LOXHD1: variants seen among roughly 807,000 people sequenced by gnomAD.
The protein encoded by LOXHD1 is lipoxygenase homology domain-containing protein 1.
LOXHD1 carries 205 observed loss-of-function variants against 248.2 expected under a neutral mutation model. The ratio of observed to expected loss-of-function variants is 0.83; its 90% CI spans 0.74 to 0.93. The LOEUF (loss-of-function observed/expected upper bound fraction) is 0.93, where lower values mean the gene tolerates loss of function less well. Among genes scored for constraint, LOXHD1 ranks in the 40% least tolerant of loss-of-function variants. The probability of loss-of-function intolerance (pLI) is 0.00; values close to 1 mark genes in which losing one functional copy is unlikely to be tolerated. For missense variants in LOXHD1, 2,930 were observed against 2,971.6 expected (o/e 0.99, Z 0.33); for synonymous variants, 1,113 against 1,162.8 (o/e 0.96, Z 0.87).
intron 6 of LOXHD1, among the ~76,000 whole-genome samples, chr18:46,609,385 A>T (rs777296869): frequency 6.6e-6 from 1 of 152,248 alleles, no homozygotes; most frequent in Non-Finnish European, 1.5e-5. Flanking sequence ...TGATCCTTGC[A>T]GCCAAATATT....
In LOXHD1 at chr18:46,538,344, G is replaced by A. The variant is rs2144324100; in HGVS notation, c.3914-7C>T. ...GTGATCTCGTAAGGAACAACTGAGG[G>A]TGGTGGTCAGAGGGCAAAGCCAGAG... On this transcript the variant is annotated splice_polypyrimidine_tract_variant and splice_region_variant and intron_variant, in intron 25 of 40. Transcript: ENST00000642948. 1 of 1,543,012 alleles carries A rather than the reference G, an allele frequency of 6.5e-7. No individual in the cohort carries two copies. The highest frequency in any genetic ancestry group is 8.8e-7 in the Non-Finnish European group (1 of 1,139,570).
At chr18:46,645,327 G>C (rs923782043) in intron 2 of LOXHD1, among the ~76,000 whole-genome samples, 1 of 152,136 alleles carries the variant, frequency 6.6e-6, no homozygotes, top group Non-Finnish European at 1.5e-5. Flanking sequence ...CTAAGGCAGT[G>C]CACAGCCCCT....
chr18:46,536,295 C>T (rs185058287), intron 26 of LOXHD1, among the ~76,000 whole-genome samples: 11 of 152,122 alleles, frequency 7.2e-5, no homozygotes, highest in Admixed American at 3.3e-4. Context: ...AGAGAGGAAG[C>T]GGCTTCCTCC....
intron 34 of LOXHD1, among the ~76,000 whole-genome samples, chr18:46,517,350 G>T (rs1033939295): frequency 6.6e-6 from 1 of 152,162 alleles, no homozygotes; most frequent in Non-Finnish European, 1.5e-5. Context: ...TCTGGGTATA[G>T]TTTGCAGTGC....
intron 36 of LOXHD1, among the ~76,000 whole-genome samples, chr18:46,507,199 T>G (rs553888186): frequency 1.3e-5 from 2 of 152,350 alleles, no homozygotes; most frequent in Admixed American, 1.3e-4. Context: ...GGTCCGAGCA[T>G]GCCTGAGGTG....
At chr18:46,583,217 G>C (rs996778513) in intron 12 of LOXHD1, among the ~76,000 whole-genome samples, 5 of 152,130 alleles carry the variant, frequency 3.3e-5, no homozygotes, top group African/African-American at 1.2e-4. Flanking sequence ...TGATTAAACT[G>C]CTAGAAGAAA....
Position 46,524,438 on chromosome 18 carries a change from C to G in LOXHD1, c.4876+28G>C, listed in dbSNP as rs1312316291. 4 of 1,541,628 alleles carry G rather than the reference C, an allele frequency of 2.6e-6. No homozygotes were observed. The African/African-American group carries it at 5.5e-5, about 21-fold the overall frequency. ...AAAACATTTCCATGTGCCTGGCCCC[C>G]GTCCAAAGAGCTCCCTGGTTGGCTT... On this transcript the variant is annotated intron_variant, in intron 31 of 40. Coordinates refer to ENST00000642948, the MANE Select transcript of LOXHD1 (RefSeq NM_001384474.1).
At chr18:46,541,964 C>T in intron 24 of LOXHD1, 24 bp from the exon 25 acceptor site, 1 of 1,543,776 alleles carries the variant, frequency 6.5e-7, no homozygotes, top group Non-Finnish European at 8.8e-7. Flanking sequence ...AGACACAAAA[C>T]CCATCAAGGA....
chr18:46,534,817 C>A (rs1329956749), intron 26 of LOXHD1, among the ~76,000 whole-genome samples: 1 of 152,200 alleles, frequency 6.6e-6, no homozygotes, highest in Non-Finnish European at 1.5e-5. Flanking sequence ...CTGTGCCATG[C>A]TCCTGTCTTG....
At chr18:46,586,004 A>T (rs2096992) in intron 12 of LOXHD1, among the ~76,000 whole-genome samples, 42,612 of 152,070 alleles carry the variant, frequency 0.28, 6,366 homozygotes, top group East Asian at 0.35. Context: ...AAGTAGAAAC[A>T]ACATAAATGC....
At chr18:46,478,100 C>T (rs558006310) in intron 40 of LOXHD1, 148 bp from the exon 41 acceptor site, 49 of 1,078,602 alleles carry the variant, frequency 4.5e-5, no homozygotes, top group Middle Eastern at 3.1e-4. Context: ...TTTAAATGTG[C>T]GTATGGATTC....
chr18:46,477,457 G>A lies in LOXHD1; in HGVS notation c.*15C>T. On this transcript the variant is annotated 3_prime_UTR_variant, in exon 41 of 41. Transcript: ENST00000642948. ...GATTGGGGCATCTCAGTGAGAGGGT[G>A]GGGGCCCTAGCCCCTCAGACAGAAG... 1 of 1,541,688 alleles carries A rather than the reference G, an allele frequency of 6.5e-7. No individual in the cohort carries two copies.
chr18:46,560,048 T>TGCCAGGCCCC, intron 19 of LOXHD1, 35 bp downstream of exon 19: 2 of 1,226,298 alleles, frequency 1.6e-6, no homozygotes, highest in Non-Finnish European at 2.3e-6. Context: ...GTCTGGCCAC[T>TGCCAGGCCCC]CCCTCCCCAC....
chr18:46,583,474 A>G (rs1202322108), intron 12 of LOXHD1, among the ~76,000 whole-genome samples: 1 of 152,144 alleles, frequency 6.6e-6, no homozygotes, highest in Non-Finnish European at 1.5e-5. Context: ...TAAATGACTC[A>G]ACAGCAAAAA....
intron 1 of LOXHD1, among the ~76,000 whole-genome samples, chr18:46,655,336 G>T (rs2039166249): frequency 6.6e-6 from 1 of 152,160 alleles, no homozygotes; most frequent in African/African-American, 2.4e-5. Context: ...TAGTAAAAAG[G>T]CTTCTGAAAG....
chr18:46,485,406 T>C (rs2032973356), intron 38 of LOXHD1, among the ~76,000 whole-genome samples: 1 of 152,010 alleles, frequency 6.6e-6, no homozygotes, highest in Non-Finnish European at 1.5e-5. Flanking sequence ...CCACTGGGAA[T>C]GCAGCAGGAG....
chr18:46,569,322 TTATGTACATGA>T, intron 16 of LOXHD1, 109 bp downstream of exon 16: 1 of 869,516 alleles, frequency 1.2e-6, no homozygotes, highest in Non-Finnish European at 1.8e-6. Flanking sequence ...GTGTTTACCC[TTATGTACATGA>T]GTGTGTGCGT....
chr18:46,483,488 G>A, intron 40 of LOXHD1, 99 bp downstream of exon 40: 1 of 1,417,574 alleles, frequency 7.1e-7, no homozygotes. Context: ...CCTTGAAGAA[G>A]AGACCTCATC....
intron 39 of LOXHD1, among the ~76,000 whole-genome samples, chr18:46,484,052 C>T (rs892953415): frequency 6.6e-6 from 1 of 151,976 alleles, no homozygotes; most frequent in African/African-American, 2.4e-5. Context: ...GGGAAGAGTC[C>T]CCTGTAACAG....
Sources: allele counts gnomAD v4.1 joint callset (sites outside exome capture counted in the v4.1 genomes callset), GRCh38; gene constraint gnomAD v4.1.1; transcripts MANE v1.5; gene names NCBI Gene and HGNC (gene_info 2026-07-23, HGNC 2026-07-21).